FXR2: variants seen among roughly 807,000 people sequenced by gnomAD.
The protein encoded by FXR2 is FMR1 autosomal homolog 2, also known as RNA-binding protein FXR2.
Under a neutral mutation model 87.3 loss-of-function variants are expected in FXR2, and 9 were observed. The ratio of observed to expected loss-of-function variants is 0.10; its 90% CI spans 0.06 to 0.18. The LOEUF is 0.18. Ranked by LOEUF, FXR2 falls within the 10% of genes least tolerant of loss-of-function variation. The pLI is 1.00. For missense variants in FXR2, 661 were observed against 893.6 expected (o/e 0.74, Z 3.32); for synonymous variants, 331 against 328.3 (o/e 1.01, Z -0.09).
intron 1 of FXR2, among the ~76,000 whole-genome samples, chr17:7,609,959 T>TATATATACATGCATATGTATAC (rs1567753841): frequency 0.1 from 10,362 of 101,676 alleles, 610 homozygotes; most frequent in Non-Finnish European, 0.15. Context: ...TGTATACATA[T>TATATATACATGCATATGTATAC]ATATACATGT....
rs1213534043 is a variant in FXR2 at position 7,591,850 on chromosome 17, T to C, written c.2002A>G (p.Met668Val). ...AGGTTTTATGAAACCCCATTCACCA[T>C]ACTACCCAACTCCAAGGGGGCGGAG... is the stretch of plus-strand genomic sequence containing the variant. Reference protein sequence around the residue: ...ELSAPLELGSMVNGVS With the variant: ...ELSAPLELGSVVNGVS The change falls in exon 17 of 17, where the codon ATG (methionine) becomes GTG (valine). Residue 668 changes from methionine to valine, a missense_variant. Coordinates refer to ENST00000250113, the MANE Select transcript of FXR2 (RefSeq NM_004860.4). This position sits in a 1 kb window ranked among gnomAD's most constrained non-coding sequence, Gnocchi z 4.0. 2.5e-6 allele frequency: 4 copies of C among 1,586,132 alleles called. No individual in the cohort carries two copies. The highest frequency in any genetic ancestry group is 3.5e-6 in the Non-Finnish European group (4 of 1,154,516).
Position 7,594,839 on chromosome 17 carries a change from T to A in FXR2, c.832-82A>T, listed in dbSNP as rs530266288. 11 of 854,788 alleles carry A rather than the reference T, an allele frequency of 1.3e-5. No homozygotes were observed. Among genetic ancestry groups the A allele is most frequent in the Admixed American group, 1.7e-5 (1 of 57,688 alleles). 53.0% of individuals were successfully genotyped at this position (854,788 alleles called of 1,614,324 possible). ...GGCTCACGCCTGTAATCCCAGCACT[T>A]TGGGAGGCTGGAGGCAGGTGGATAA... On this transcript the variant is annotated intron_variant, in intron 8 of 16. Transcript: ENST00000250113. This position sits in a 1 kb window ranked among gnomAD's most constrained non-coding sequence, Gnocchi z 5.1.
Position 7,609,866 on chromosome 17 carries a change from A to C in FXR2, c.82-3717T>G, listed in dbSNP as rs1283432170. On this transcript the variant is annotated intron_variant, in intron 1 of 16. Coordinates refer to ENST00000250113, the MANE Select transcript of FXR2 (RefSeq NM_004860.4). ...AATATGGCAAAACCCCATTGCTACT[A>C]TATATATATGTATACATATACATAT... Among the ~76,000 whole-genome samples, 3 of 149,892 alleles carry C rather than the reference A, an allele frequency of 2.0e-5. 1 individual carries two copies. The highest frequency in any genetic ancestry group is 4.4e-5 in the Non-Finnish European group (3 of 67,682).
At chr17:7,602,567 CA>C (rs59331217) in intron 6 of FXR2, among the ~76,000 whole-genome samples, 130 of 123,224 alleles carry the variant, frequency 1.1e-3, no homozygotes, top group Admixed American at 1.2e-3. Flanking sequence ...GATTCCATCT[CA>C]AAAAAAAAAA....
Position 7,606,090 on chromosome 17 carries a change from G to A in FXR2, c.134+7C>T. ...GTATGCTGGATTCTCTATTCCCAAG[G>A]TCTTACTTGTTTTCAAAGAAGATGG... is the stretch of plus-strand genomic sequence containing the variant. On this transcript the variant is annotated splice_region_variant and intron_variant, in intron 2 of 16. Transcript: ENST00000250113. 6.6e-7 allele frequency: 1 copy of A among 1,511,360 alleles called. No individual in the cohort carries two copies. Among genetic ancestry groups the A allele is most frequent in the Non-Finnish European group, 9.0e-7 (1 of 1,111,154 alleles). The allele number at this position is 1,511,360 out of a possible 1,614,324, so 93.6% of individuals were successfully genotyped here.
At chr17:7,612,909 T>C (rs928193579) in intron 1 of FXR2, among the ~76,000 whole-genome samples, 1 of 137,072 alleles carries the variant, frequency 7.3e-6, no homozygotes, top group Non-Finnish European at 1.5e-5. Flanking sequence ...GGCAGGAGAA[T>C]GGCGCGAACC....
Position 7,614,813 on chromosome 17 carries a change from C to CCCCGCTGCTGCCTCAGTCCCGGGA in FXR2, c.-305_-282dup, listed in dbSNP as rs1164847960. 5.4e-6 allele frequency: 1 copy of CCCCGCTGCTGCCTCAGTCCCGGGA among 185,774 alleles called. No individual in the cohort carries two copies. Among genetic ancestry groups the CCCCGCTGCTGCCTCAGTCCCGGGA allele is most frequent in the African/African-American group, 2.4e-5 (1 of 42,088 alleles). The allele number at this position is 185,774 out of a possible 1,614,324, so 11.5% of individuals were successfully genotyped here. A position where few individuals can be genotyped will look rare whatever the true frequency, so the allele number is the denominator to read the frequency against. ...CACCTCAGCTTCCGCCCGCCGCCGC[C>CCCCGCTGCTGCCTCAGTCCCGGGA]CCCGCTGCTGCCTCAGTCCCGGGAC... On this transcript the variant is annotated 5_prime_UTR_variant, in exon 1 of 17. Coordinates refer to ENST00000250113, the MANE Select transcript of FXR2 (RefSeq NM_004860.4).
intron 1 of FXR2, among the ~76,000 whole-genome samples, chr17:7,610,655 TC>T (rs1360291222): frequency 1.8e-4 from 28 of 152,318 alleles, no homozygotes; most frequent in African/African-American, 5.5e-4. Context: ...CACCCATTCA[TC>T]CCATACTAGT....
chr17:7,611,368 T>A (rs1437573038), intron 1 of FXR2, among the ~76,000 whole-genome samples: 1 of 152,154 alleles, frequency 6.6e-6, no homozygotes, highest in Non-Finnish European at 1.5e-5. Context: ...TAATATTTTA[T>A]CCTTTAAGAA....
chr17:7,605,983 C>A (rs1353618833), intron 2 of FXR2, 114 bp downstream of exon 2: 5 of 755,870 alleles, frequency 6.6e-6, no homozygotes, highest in South Asian at 6.5e-5. Flanking sequence ...GAGTTCCCAC[C>A]CAAACCCTCA....
intron 7 of FXR2, chr17:7,596,292 C>T (rs970087451): frequency 3.1e-5 from 7 of 227,288 alleles, no homozygotes; most frequent in East Asian, 1.1e-4. Context: ...TGAGTAGCTA[C>T]GACTACAGGT....
At chr17:7,597,956 G>A (rs2071721564) in intron 7 of FXR2, among the ~76,000 whole-genome samples, 1 of 150,534 alleles carries the variant, frequency 6.6e-6, no homozygotes, top group Non-Finnish European at 1.5e-5. Flanking sequence ...GCCTGGTCAG[G>A]AGACCAAATA....
Position 7,591,877 on chromosome 17 carries a change from G to A in FXR2, c.1975C>T (p.Leu659Phe). Residue 659 changes from leucine (L) to phenylalanine (F), a missense_variant, in exon 17 of 17, where the codon CTC (leucine) becomes TTC (phenylalanine). Transcript: ENST00000250113. This position sits in a 1 kb window ranked among gnomAD's most constrained non-coding sequence, Gnocchi z 4.0. Reference protein sequence around the residue: ...LPKGPSENGELSAPLELGSMV... With the variant: ...LPKGPSENGEFSAPLELGSMV... ...CTACCCAACTCCAAGGGGGCGGAGA[G>A]CTCCCCATTCTCCGAGGGGCCCTTA... 1 of 1,606,754 alleles carries A rather than the reference G, an allele frequency of 6.2e-7. No individual in the cohort carries two copies.
rs1597870001 is a variant in FXR2, at chr17:7,592,348, A to C, written c.1832T>G (p.Val611Gly). Residue 611 changes from valine (V) to glycine (G), a missense_variant, in exon 16 of 17, where the codon GTG (valine) becomes GGG (glycine). Physicochemically the swap from Val to Gly is moderately radical, Grantham distance 109. Around this residue, in one of 3 missense-constraint regions of FXR2, gnomAD observed 409 missense variants for 432.0 expected, o/e 0.95. Coordinates refer to ENST00000250113, the MANE Select transcript of FXR2 (RefSeq NM_004860.4). The surrounding 1 kb of genome is among the most constrained non-coding windows in gnomAD (Gnocchi z 4.8). ...SISGDRQPVTVADYISRAESQ... is the reference protein window; with the variant it reads ...SISGDRQPVTGADYISRAESQ... The stretch of plus-strand genomic sequence containing the variant: ...CTCTGCTCGTGAGATATAGTCAGCC[A>C]CAGTCACTGGGGAAGGCAGGAGATT... 1.2e-6 allele frequency: 2 copies of C among 1,611,212 alleles called. No individual in the cohort carries two copies. The highest frequency in any genetic ancestry group is 1.7e-6 in the Non-Finnish European group (2 of 1,177,346).
intron 7 of FXR2, among the ~76,000 whole-genome samples, chr17:7,596,842 C>T (rs976788186): frequency 3.3e-5 from 5 of 152,116 alleles, no homozygotes; most frequent in African/African-American, 1.2e-4. Context: ...GTGGCTCACG[C>T]CTGTAATTCC....
intron 7 of FXR2, among the ~76,000 whole-genome samples, chr17:7,596,761 A>G: frequency 6.6e-6 from 1 of 152,232 alleles, no homozygotes; most frequent in East Asian, 1.9e-4. Context: ...TACCTTAATC[A>G]AACAAATATC....
rs1434640024 is a variant in FXR2 at position 7,592,944 on chromosome 17, T to C, written c.1528+40A>G. ...GTTGGCAGTCAGGTGCCCATCATCT[T>C]TCCTTTTGGCCCATATTCATGAACC... On this transcript the variant is annotated intron_variant, in intron 13 of 16. Coordinates refer to ENST00000250113, the MANE Select transcript of FXR2 (RefSeq NM_004860.4). The surrounding 1 kb of genome is among the most constrained non-coding windows in gnomAD (Gnocchi z 4.8). 6.5e-7 allele frequency: 1 copy of C among 1,546,426 alleles called. No homozygotes were observed. The highest frequency in any genetic ancestry group is 1.4e-5 in the African/African-American group (1 of 72,430).
intron 3 of FXR2, among the ~76,000 whole-genome samples, chr17:7,604,703 A>G (rs1198320253): frequency 1.3e-5 from 2 of 150,876 alleles, no homozygotes; most frequent in Non-Finnish European, 3.0e-5. Context: ...AAAGAAAAAA[A>G]AGGTATTTGG....
rs1194598901 is a variant in FXR2, at chr17:7,594,249, G to A, written c.1009C>T (p.Pro337Ser). The change falls in exon 10 of 17, where the codon CCC becomes TCC. Residue 337 changes from proline (P) to serine (S), a missense_variant. Physicochemically the swap from Pro to Ser is moderately conservative, Grantham distance 74 (BLOSUM62 -1). Transcript: ENST00000250113. The surrounding 1 kb of genome is among the most constrained non-coding windows in gnomAD (Gnocchi z 5.1). ...CCCCGTACCCATACCTCCTCCCTGGGGTTCTTCTTGTCATTATCACCTTCC... is the reference window on the plus strand; with the variant it reads ...CCCCGTACCCATACCTCCTCCCTGGAGTTCTTCTTGTCATTATCACCTTCC... The part of the protein sequence containing the change: ...RVEGDNDKKN[P>S]REEGMVPFIF... 2.5e-6 allele frequency: 4 copies of A among 1,589,418 alleles called. No individual in the cohort carries two copies. Among genetic ancestry groups the A allele is most frequent in the Non-Finnish European group, 3.5e-6 (4 of 1,157,846 alleles).
Sources: allele counts gnomAD v4.1 joint callset (sites outside exome capture counted in the v4.1 genomes callset), GRCh38; gene constraint gnomAD v4.1.1; regional missense constraint gnomAD v4.1.1; non-coding constraint Gnocchi (gnomAD v3.1); transcripts MANE v1.5; gene names NCBI Gene and HGNC (gene_info 2026-07-23, HGNC 2026-07-21).